Variants in MRM1 observed in about 807,000 individuals in gnomAD.
MRM1 encodes the protein mitochondrial rRNA methyltransferase 1, also known as rRNA methyltransferase 1, mitochondrial.
A neutral mutation model predicts 25.0 loss-of-function variants in MRM1; 24 were observed. The observed-to-expected ratio is 0.96, with a 90% CI of 0.69 to 1.35. The LOEUF (loss-of-function observed/expected upper bound fraction) is 1.35. Among genes scored for constraint, MRM1 ranks in the 40% most tolerant of loss-of-function variants. The pLI is 0.00. For missense variants in MRM1, 431 were observed against 464.1 expected (o/e 0.93, Z 0.65); for synonymous variants, 188 against 199.2 (o/e 0.94, Z 0.47).
chr17:36,622,446 C>T, the MRM1 span, among the ~76,000 whole-genome samples: 2 of 152,028 alleles, frequency 1.3e-5, no homozygotes, highest in Admixed American at 1.3e-4. Flanking sequence ...GTGGTGCGCA[C>T]CTGTAATCCC....
chr17:36,619,866 C>T, the MRM1 span, among the ~76,000 whole-genome samples: 2 of 152,082 alleles, frequency 1.3e-5, no homozygotes, highest in African/African-American at 2.4e-5. Flanking sequence ...TGTTTATTTT[C>T]TGTCTTTCTG....
At chr17:36,624,126 G>A in the MRM1 span, among the ~76,000 whole-genome samples, 1 of 152,104 alleles carries the variant, frequency 6.6e-6, no homozygotes, top group African/African-American at 2.4e-5. The surrounding 1 kb of genome is among the most constrained non-coding windows in gnomAD (Gnocchi z 4.0). Context: ...AACAAGCACC[G>A]CCACCTCCCT....
chr17:36,629,614 A>T, the MRM1 span, among the ~76,000 whole-genome samples: 1 of 151,566 alleles, frequency 6.6e-6, no homozygotes, highest in East Asian at 1.9e-4. Flanking sequence ...CAGGCTGGGG[A>T]CCAGGAACTC....
the MRM1 span, among the ~76,000 whole-genome samples, chr17:36,623,004 C>T: frequency 2.6e-5 from 4 of 152,218 alleles, no homozygotes; most frequent in Non-Finnish European, 2.9e-5. Context: ...CACTGCCCCA[C>T]GCCCCAGGGT....
chr17:36,624,545 G>T, the MRM1 span, among the ~76,000 whole-genome samples: 2 of 152,226 alleles, frequency 1.3e-5, no homozygotes, highest in African/African-American at 4.8e-5. This position sits in a 1 kb window ranked among gnomAD's most constrained non-coding sequence, Gnocchi z 4.0. Flanking sequence ...CAAAGCATGA[G>T]CATCCATGAG....
chr17:36,629,497 C>T, the MRM1 span, among the ~76,000 whole-genome samples: 1 of 152,150 alleles, frequency 6.6e-6, no homozygotes, highest in African/African-American at 2.4e-5. Context: ...CATGTGGCTG[C>T]CTAGTGGCCA....
At chr17:36,618,642 G>T in the MRM1 span, among the ~76,000 whole-genome samples, 1 of 152,156 alleles carries the variant, frequency 6.6e-6, no homozygotes, top group South Asian at 2.1e-4. Context: ...TAGAGGCTGG[G>T]TGCCACTGGG....
the MRM1 span, among the ~76,000 whole-genome samples, chr17:36,625,342 T>TTCTTCTTCTTCCTCTTCCTCTTCC: frequency 7.4e-5 from 11 of 149,306 alleles, no homozygotes; most frequent in Admixed American, 1.3e-4. Flanking sequence ...CTCCTTCGCC[T>TTCTTCTTCTTCCTCTTCCTCTTCC]TCTTCTTCTT....
At chr17:36,607,073 C>T (rs2074936349) in intron 2 of MRM1, among the ~76,000 whole-genome samples, 1 of 151,772 alleles carries the variant, frequency 6.6e-6, no homozygotes, top group African/African-American at 2.4e-5. Flanking sequence ...CACCACCATG[C>T]CCGGCTAATT....
intron 2 of MRM1, among the ~76,000 whole-genome samples, chr17:36,606,817 G>T (rs2074932949): frequency 6.6e-6 from 1 of 151,918 alleles, no homozygotes; most frequent in African/African-American, 2.4e-5. Flanking sequence ...CACCATGTTA[G>T]CCAGGGTGGT....
At chr17:36,621,075 T>C in the MRM1 span, among the ~76,000 whole-genome samples, 52 of 152,248 alleles carry the variant, frequency 3.4e-4, no homozygotes, top group Non-Finnish European at 6.8e-4. Flanking sequence ...ACCTCTCTTG[T>C]GGGGTTTCCT....
chr17:36,611,115 G>A (rs559054194), downstream of MRM1, among the ~76,000 whole-genome samples: 5 of 152,278 alleles, frequency 3.3e-5, no homozygotes, highest in South Asian at 6.2e-4. Context: ...ATGCCCAGCC[G>A]ATATTTCTTA....
In MRM1 at chr17:36,602,380, C is replaced by T. The variant is rs1460877978; in HGVS notation, c.542+28C>T. The T allele has an allele frequency of 1.9e-6, 3 of 1,550,426 alleles. No homozygotes were observed. The highest frequency in any genetic ancestry group is 2.4e-5 in the South Asian group (2 of 81,870). ...ACGGACGTCCCTCATTCTCTATGTG[C>T]CCCAACTTGGAGACGCAGCCGAGTT... On this transcript the variant is annotated intron_variant, in intron 1 of 4. Transcript: ENST00000614766. The surrounding 1 kb of genome is among the most constrained non-coding windows in gnomAD (Gnocchi z 4.1).
chr17:36,611,412 A>G (rs1267829096), downstream of MRM1, among the ~76,000 whole-genome samples: 1 of 152,172 alleles, frequency 6.6e-6, no homozygotes, highest in Non-Finnish European at 1.5e-5. Flanking sequence ...CAGAAGTTAT[A>G]AAAATAAAAT....
At chr17:36,604,667 G>A (rs1374208845) in intron 2 of MRM1, among the ~76,000 whole-genome samples, 2 of 152,148 alleles carry the variant, frequency 1.3e-5, no homozygotes, top group African/African-American at 2.4e-5. Context: ...TTAGCTGGGT[G>A]TGGTGGTTCG....
At chr17:36,610,901 G>T (rs1256057930), downstream of MRM1, among the ~76,000 whole-genome samples, 1 of 152,122 alleles carries the variant, frequency 6.6e-6, no homozygotes, top group South Asian at 2.1e-4. Flanking sequence ...GCAACCTCTG[G>T]CTCCTGGGTT....
chr17:36,628,726 G>T, the MRM1 span, among the ~76,000 whole-genome samples: 1 of 152,186 alleles, frequency 6.6e-6, no homozygotes, highest in Admixed American at 6.5e-5. Context: ...ACTTTGCTGA[G>T]TGCTTCAAAC....
the MRM1 span, among the ~76,000 whole-genome samples, chr17:36,622,381 G>A: frequency 6.6e-6 from 1 of 152,052 alleles, no homozygotes; most frequent in Non-Finnish European, 1.5e-5. Flanking sequence ...AGACCAGCCT[G>A]GGCAACATGG....
At position 36,602,702 on chromosome 17, in the gene MRM1, G is replaced by A; in HGVS notation, c.636+56G>A. ...TGTGAGCCCAGCTCAGCCTCTTCAAGGGGACGAAGCTAGCCCCTGGCGAGG... is the reference window on the plus strand; with the variant it reads ...TGTGAGCCCAGCTCAGCCTCTTCAAAGGGACGAAGCTAGCCCCTGGCGAGG... On this transcript the variant is annotated intron_variant, in intron 2 of 4. Transcript: ENST00000614766. The surrounding 1 kb of genome is among the most constrained non-coding windows in gnomAD (Gnocchi z 4.1). The A allele has an allele frequency of 6.3e-7, 1 of 1,595,460 alleles. No homozygotes were observed. Among genetic ancestry groups the A allele is most frequent in the Non-Finnish European group, 8.6e-7 (1 of 1,163,248 alleles).
Sources: gnomAD v4.1 joint callset for allele counts (sites outside exome capture counted in the v4.1 genomes callset) on GRCh38, gnomAD v4.1.1 for gene constraint, Gnocchi (gnomAD v3.1) non-coding constraint, MANE v1.5 for transcripts, NCBI Gene and HGNC (gene_info 2026-07-23, HGNC 2026-07-21) for gene names.